IRS2: variants seen among roughly 807,000 people sequenced by gnomAD.
IRS2 encodes insulin receptor substrate 2.
Under a neutral mutation model 70.9 loss-of-function variants are expected in IRS2, and 28 were observed. The observed-to-expected ratio is 0.39, with a 90% CI of 0.29 to 0.54. IRS2 has a LOEUF of 0.54. IRS2 is among the 20% of genes least tolerant of loss of function. The probability of loss-of-function intolerance (pLI) is 0.59; values close to 1 mark genes in which losing one functional copy is unlikely to be tolerated. For missense variants in IRS2, 2,081 were observed against 2,024.1 expected, an observed-to-expected ratio of 1.03 and a Z score of -0.54; for synonymous variants, 1,217 against 981.9, an observed-to-expected ratio of 1.24 and a Z score of -4.48.
intron 1 of IRS2, among the ~76,000 whole-genome samples, chr13:109,758,942 A>G (rs1164379362): frequency 6.6e-6 from 1 of 150,978 alleles, no homozygotes; most frequent in African/African-American, 2.4e-5. Context: ...GAGGAAGGGG[A>G]AAGGGAAGGA....
intron 1 of IRS2, among the ~76,000 whole-genome samples, chr13:109,776,598 A>G (rs772781897): frequency 1.3e-5 from 2 of 152,254 alleles, no homozygotes; most frequent in Non-Finnish European, 2.9e-5. Context: ...CCTACAGAGC[A>G]AAATGTTGGT....
Position 109,784,335 on chromosome 13 carries a change from C to G in IRS2, c.1719G>C (p.Lys573Asn). 1 of 1,608,268 alleles carries G rather than the reference C, an allele frequency of 6.2e-7. No homozygotes were observed. The highest frequency in any genetic ancestry group is 8.5e-7 in the Non-Finnish European group (1 of 1,179,176). Reference sequence around the variant, plus strand: ...CTGGCGTGGTCAGGGAGTAGGTCCTCTTGCGCAGCCCTCGGTCCAGGTCCT... The same window carrying G: ...CTGGCGTGGTCAGGGAGTAGGTCCTGTTGCGCAGCCCTCGGTCCAGGTCCT... ...AAQDLDRGLRKRTYSLTTPAR... is the reference protein window; with the variant it reads ...AAQDLDRGLRNRTYSLTTPAR... The change falls in exon 1 of 2, where the codon AAG (lysine) becomes AAC (asparagine). Residue 573 changes from lysine to asparagine, a missense_variant. By Grantham distance (94) the Lys-to-Asn change is moderately conservative (BLOSUM62 0). Around this residue, in one of 4 missense-constraint regions of IRS2, gnomAD observed 1,615 missense variants for 1,459.5 expected, o/e 1.11. Coordinates refer to ENST00000375856, the MANE Select transcript of IRS2 (RefSeq NM_003749.3). The surrounding 1 kb of genome is among the most constrained non-coding windows in gnomAD (Gnocchi z 5.2).
chr13:109,773,309 T>C (rs998591266), intron 1 of IRS2, among the ~76,000 whole-genome samples: 1 of 152,228 alleles, frequency 6.6e-6, no homozygotes, highest in Non-Finnish European at 1.5e-5. Flanking sequence ...AGGCAAATTC[T>C]AAATTGATTA....
rs1877067375 is a variant in IRS2, at chr13:109,754,824, T to G, written c.*1480A>C. 1.0e-5 allele frequency: 2 copies of G among 191,510 alleles called. No homozygotes were observed. The highest frequency in any genetic ancestry group is 3.9e-4 in the South Asian group (2 of 5,182). The allele number at this position is 191,510 out of a possible 1,614,324, so 11.9% of individuals were successfully genotyped here. ...ATTCTATAGCGATAGATATCTATTA[T>G]ATATTTATATATATTTTTCTAAAAA... is the stretch of plus-strand genomic sequence containing the variant. On this transcript the variant is annotated 3_prime_UTR_variant, in exon 2 of 2. Transcript: ENST00000375856.
At chr13:109,773,183 A>G (rs1296554940) in intron 1 of IRS2, among the ~76,000 whole-genome samples, 3 of 152,076 alleles carry the variant, frequency 2.0e-5, no homozygotes, top group African/African-American at 7.2e-5. Flanking sequence ...TTTTCCTGAG[A>G]ATTAAAAAAA....
Position 109,786,235 on chromosome 13 carries a change from C to G in IRS2, c.-182G>C, listed in dbSNP as rs999514549. On this transcript the variant is annotated 5_prime_UTR_variant, in exon 1 of 2. Coordinates refer to ENST00000375856, the MANE Select transcript of IRS2 (RefSeq NM_003749.3). This position sits in a 1 kb window ranked among gnomAD's most constrained non-coding sequence, Gnocchi z 4.4. ...GAGGCCCGCGGGGGCCAGCACCGCT[C>G]GGCGGCGCCGCGCCCTCCGCGCTCT... The G allele has an allele frequency of 9.3e-4, 163 of 174,620 alleles. 1 individual carries two copies. The highest frequency in any genetic ancestry group is 3.7e-3 in the African/African-American group (152 of 41,472). The allele number at this position is 174,620 out of a possible 1,614,324, so 10.8% of individuals were successfully genotyped here.
intron 1 of IRS2, among the ~76,000 whole-genome samples, chr13:109,772,039 T>C (rs1877462505): frequency 6.6e-6 from 1 of 152,252 alleles, no homozygotes; most frequent in Non-Finnish European, 1.5e-5. Context: ...TATCCATCCA[T>C]CTGGGTATGG....
At position 109,783,443 on chromosome 13, in the gene IRS2, G is replaced by A. The variant is rs1446914389; in HGVS notation, c.2611C>T (p.Arg871Trp). The A allele has an allele frequency of 6.6e-7, 1 of 1,524,628 alleles. No homozygotes were observed. Among genetic ancestry groups the A allele is most frequent in the Middle Eastern group, 1.9e-4 (1 of 5,366 alleles). The allele number at this position is 1,524,628 out of a possible 1,614,324, so 94.4% of individuals were successfully genotyped here. ...PPHPVVPSPV[R>W]PSGGRPEGFL... ...CCCTCCGGGCGGCCGCCGCTAGGCCGCACGGGCGAAGGCACTACAGGGTGA... is the reference window on the plus strand; with the variant it reads ...CCCTCCGGGCGGCCGCCGCTAGGCCACACGGGCGAAGGCACTACAGGGTGA... Residue 871 changes from arginine (R) to tryptophan (W), a missense_variant, in exon 1 of 2, where the codon CGG becomes TGG. By Grantham distance (101) the Arg-to-Trp change is moderately radical. Coordinates refer to ENST00000375856, the MANE Select transcript of IRS2 (RefSeq NM_003749.3).
In IRS2 at chr13:109,785,522, CGGCGCCGGCAGAGCCGCCCAG is replaced by C; in HGVS notation, c.511_531del (p.Leu171_Ala177del). 1.3e-6 allele frequency: 2 copies of C among 1,599,482 alleles called. No homozygotes were observed. Among genetic ancestry groups the C allele is most frequent in the Non-Finnish European group, 1.7e-6 (2 of 1,173,598 alleles). On this transcript the variant is annotated inframe_deletion, in exon 1 of 2. Coordinates refer to ENST00000375856, the MANE Select transcript of IRS2 (RefSeq NM_003749.3). The surrounding 1 kb of genome is among the most constrained non-coding windows in gnomAD (Gnocchi z 9.3). ...AGCCCGTAGCTGTCCTCGGCCCCGG[CGGCGCCGGCAGAGCCGCCCAG>C]GGCGCCGGGCAGGGAGGCGCTGCAG...
chr13:109,784,960 C>T lies in IRS2; in HGVS notation c.1094G>A (p.Ser365Asn). 3 of 1,198,634 alleles carry T rather than the reference C, an allele frequency of 2.5e-6. No homozygotes were observed. Among genetic ancestry groups the T allele is most frequent in the Non-Finnish European group, 3.1e-6 (3 of 967,474 alleles). The allele number at this position is 1,198,634 out of a possible 1,614,324, so 74.2% of individuals were successfully genotyped here. ...CGCCGCCGCGCCGCCGTCGCCCTCG[C>T]TGGCGGTGCGCACCCGGCACGAGCT... The part of the protein sequence containing the change: ...KCSSCRVRTA[S>N]EGDGGAAAGA... The change falls in exon 1 of 2, where the codon AGC becomes AAC. Residue 365 changes from serine (S) to asparagine (N), a missense_variant. Coordinates refer to ENST00000375856, the MANE Select transcript of IRS2 (RefSeq NM_003749.3). The surrounding 1 kb of genome is among the most constrained non-coding windows in gnomAD (Gnocchi z 5.2).
At chr13:109,772,688 A>ATT (rs34886741) in intron 1 of IRS2, among the ~76,000 whole-genome samples, 3,837 of 130,822 alleles carry the variant, frequency 0.029, 89 homozygotes, top group Admixed American at 0.042. Flanking sequence ...TGCCTATTAC[A>ATT]TTTTTTTTTT....
rs111940824 is a variant in IRS2, at chr13:109,755,820, C to T, written c.*484G>A. ...AGGAGGTCCTGTGGGACCCCCGCCACGGAAATCCGGCTTTACCTTGAACTG... is the reference window on the plus strand; with the variant it reads ...AGGAGGTCCTGTGGGACCCCCGCCATGGAAATCCGGCTTTACCTTGAACTG... On this transcript the variant is annotated 3_prime_UTR_variant, in exon 2 of 2. Transcript: ENST00000375856. 17 of 225,954 alleles carry T rather than the reference C, an allele frequency of 7.5e-5. No homozygotes were observed. The South Asian group carries it at 1.5e-3, about 20-fold the overall frequency. 14.0% of individuals were successfully genotyped at this position (225,954 alleles called of 1,614,324 possible). A position where few individuals can be genotyped will look rare whatever the true frequency, so the allele number is the denominator to read the frequency against.
At chr13:109,771,891 A>G (rs532355986) in intron 1 of IRS2, among the ~76,000 whole-genome samples, 1 of 152,222 alleles carries the variant, frequency 6.6e-6, no homozygotes, top group African/African-American at 2.4e-5. Flanking sequence ...TCTGCTCAAT[A>G]CACTCTAATC....
At position 109,783,345 on chromosome 13, in the gene IRS2, G is replaced by A. The variant is rs374227137; in HGVS notation, c.2709C>T (p.Ser903=). The change falls in exon 1 of 2, where the codon AGC becomes AGT. Residue 903 remains serine (S), a synonymous_variant. Coordinates refer to ENST00000375856, the MANE Select transcript of IRS2 (RefSeq NM_003749.3). ...CCGGTGGCAGTGGGTACTCGTGCAT[G>A]CTGGGCAGGCTGGGCAGCCCCTCCA... is the stretch of plus-strand genomic sequence containing the variant. ...LSLEGLPSLP[S]MHEYPLPPEP... 1,983 of 1,549,718 alleles carry A rather than the reference G, an allele frequency of 1.3e-3. 5 individuals carry two copies. Among genetic ancestry groups the A allele is most frequent in the Middle Eastern group, 2.9e-3 (17 of 5,890 alleles).
chr13:109,781,791 G>A (rs115988890), intron 1 of IRS2, among the ~76,000 whole-genome samples: 205 of 152,300 alleles, frequency 1.3e-3, no homozygotes, highest in African/African-American at 4.7e-3. Context: ...GGGTGAATGG[G>A]TGGGGCCTCA....
At position 109,785,736 on chromosome 13, in the gene IRS2, G is replaced by A. The variant is rs752069962; in HGVS notation, c.318C>T (p.Asp106=). 21 of 1,598,068 alleles carry A rather than the reference G, an allele frequency of 1.3e-5. No homozygotes were observed. In the East Asian group the frequency reaches 4.3e-4, roughly 32 times the overall value. ...GGGCGATCAGGTACTTGTGCTTGGC[G>A]TCGGCGCGCTTGTTGATGTTCAGGC... is the stretch of plus-strand genomic sequence containing the variant. The part of the protein sequence containing the change: ...DCCLNINKRA[D]AKHKYLIALY... Residue 106 remains aspartate (D), a synonymous_variant, in exon 1 of 2, where the codon GAC becomes GAT. Transcript: ENST00000375856. This position sits in a 1 kb window ranked among gnomAD's most constrained non-coding sequence, Gnocchi z 9.3.
Position 109,783,358 on chromosome 13 carries a change from G to C in IRS2, c.2696C>G (p.Pro899Arg). Residue 899 changes from proline to arginine, a missense_variant, in exon 1 of 2, where the codon CCC becomes CGC. Pro to Arg is a moderately radical substitution (Grantham distance 103). Transcript: ENST00000375856. ...GTACTCGTGCATGCTGGGCAGGCTG[G>C]GCAGCCCCTCCAGGGACAGGCGCGT... ...RPTRLSLEGL[P>R]SLPSMHEYPL... is the part of the protein sequence containing the mutation. 6.5e-7 allele frequency: 1 copy of C among 1,548,440 alleles called. No homozygotes were observed. Among genetic ancestry groups the C allele is most frequent in the Non-Finnish European group, 8.6e-7 (1 of 1,156,842 alleles).
In IRS2 at chr13:109,785,871, C is replaced by T. The variant is rs1332117900; in HGVS notation, c.183G>A (p.Thr61=). The change falls in exon 1 of 2, where the codon ACG becomes ACA. Residue 61 remains threonine, a synonymous_variant. Transcript: ENST00000375856. The surrounding 1 kb of genome is among the most constrained non-coding windows in gnomAD (Gnocchi z 9.3). ...RGPGAGGDEA[T]AGGGSAPQPP... Reference sequence around the variant, plus strand: ...GTTGCGGCGCCGACCCCCCGCCCGCCGTCGCCTCGTCGCCGCCCGCGCCGG... The same window carrying T: ...GTTGCGGCGCCGACCCCCCGCCCGCTGTCGCCTCGTCGCCGCCCGCGCCGG... 4 of 1,505,562 alleles carry T rather than the reference C, an allele frequency of 2.7e-6. No individual in the cohort carries two copies. Among genetic ancestry groups the T allele is most frequent in the South Asian group, 1.2e-5 (1 of 80,716 alleles). 93.3% of individuals were successfully genotyped at this position (1,505,562 alleles called of 1,614,324 possible).
At chr13:109,778,980 TGG>T (rs1323973466) in intron 1 of IRS2, among the ~76,000 whole-genome samples, 3 of 152,000 alleles carry the variant, frequency 2.0e-5, no homozygotes, top group Non-Finnish European at 4.4e-5. Context: ...CCTAACAAAT[TGG>T]TTAGAGTTTT....
Sources: gnomAD v4.1 joint callset for allele counts (sites outside exome capture counted in the v4.1 genomes callset) on GRCh38, gnomAD v4.1.1 for gene constraint, gnomAD v4.1.1 regional missense constraint, Gnocchi (gnomAD v3.1) non-coding constraint, MANE v1.5 for transcripts, NCBI Gene and HGNC (gene_info 2026-07-23, HGNC 2026-07-21) for gene names.